HS6ST3: variants seen among roughly 807,000 people sequenced by gnomAD.
HS6ST3 encodes the protein heparan-sulfate 6-O-sulfotransferase 3.
In HS6ST3, 12 loss-of-function variants were observed where a neutral mutation model predicts 36.7. The ratio of observed to expected loss-of-function variants is 0.33; its 90% confidence interval spans 0.21 to 0.53. The LOEUF (loss-of-function observed/expected upper bound fraction) is 0.53, where lower values mean the gene tolerates loss of function less well. Ranked by LOEUF, HS6ST3 falls within the 20% of genes least tolerant of loss-of-function variation. The probability of loss-of-function intolerance (pLI) is 0.95; values close to 1 mark genes in which losing one functional copy is unlikely to be tolerated. For synonymous variants in HS6ST3, 240 were observed against 257.5 expected (o/e 0.93, Z 0.65); for missense variants, 584 against 640.9 (o/e 0.91, Z 0.96).
intron 1 of HS6ST3, among the ~76,000 whole-genome samples, chr13:96,647,115 G>C (rs2056591448): frequency 6.6e-6 from 1 of 151,854 alleles, no homozygotes; most frequent in South Asian, 2.1e-4. Flanking sequence ...TCAGACACTG[G>C]GGGTGGAATC....
intron 1 of HS6ST3, among the ~76,000 whole-genome samples, chr13:96,708,758 C>T (rs1875490383): frequency 6.6e-6 from 1 of 152,074 alleles, no homozygotes; most frequent in Non-Finnish European, 1.5e-5. Context: ...GCAGTTAGTT[C>T]TCTGGCATGG....
chr13:96,579,755 A>G (rs2056334902), intron 1 of HS6ST3, among the ~76,000 whole-genome samples: 1 of 152,150 alleles, frequency 6.6e-6, no homozygotes, highest in South Asian at 2.1e-4. Context: ...TGCCATAGAC[A>G]AATTAGGTGA....
chr13:96,681,938 G>A (rs1481133273), intron 1 of HS6ST3, among the ~76,000 whole-genome samples: 2 of 152,000 alleles, frequency 1.3e-5, no homozygotes, highest in African/African-American at 4.8e-5. Context: ...ATTACCCTCA[G>A]TGCAAAGTCT....
chr13:96,260,229 CCCTTCCTTCCTTCCTT>C lies in HS6ST3; in HGVS notation c.707+168685_707+168700del, dbSNP rs71681344. Reference sequence around the variant, plus strand: ...TTTTTGCTGGGTGCATTTATTTTTTCCCTTCCTTCCTTCCTTCCTTCCTTCCTTCCTTCCTTCCTTT... The same window carrying C: ...TTTTTGCTGGGTGCATTTATTTTTTCCCTTCCTTCCTTCCTTCCTTCCTTT... On this transcript the variant is annotated intron_variant, in intron 1 of 1. Transcript: ENST00000376705. Among the ~76,000 whole-genome samples, 359 of 143,500 alleles carry C rather than the reference CCCTTCCTTCCTTCCTT, an allele frequency of 2.5e-3. 1 individual carries two copies. The highest frequency in any genetic ancestry group is 7.2e-3 in the African/African-American group (277 of 38,480). 94.1% of individuals were successfully genotyped at this position (143,500 alleles called of 152,430 possible).
In HS6ST3 at chr13:96,308,805, A is replaced by G. The variant is rs139975853; in HGVS notation, c.707+217236A>G. Among the ~76,000 whole-genome samples, 118 of 152,250 alleles carry G rather than the reference A, an allele frequency of 7.8e-4. 2 individuals are homozygous for G. Among genetic ancestry groups the G allele is most frequent in the African/African-American group, 2.5e-3 (105 of 41,594 alleles). Reference sequence around the variant, plus strand: ...ATTCTAGGAAGCAAAGATTCTATCCATGACAATTTGCTGTCTAGTGGTACG... The same window carrying G: ...ATTCTAGGAAGCAAAGATTCTATCCGTGACAATTTGCTGTCTAGTGGTACG... On this transcript the variant is annotated intron_variant, in intron 1 of 1. Transcript: ENST00000376705.
chr13:96,658,257 C>CTTCTCT (rs1555316967), intron 1 of HS6ST3, among the ~76,000 whole-genome samples: 1 of 103,462 alleles, frequency 9.7e-6, no homozygotes, highest in African/African-American at 4.0e-5. Flanking sequence ...TCTTCTTCTT[C>CTTCTCT]TCTTCTTCTT....
intron 1 of HS6ST3, among the ~76,000 whole-genome samples, chr13:96,135,827 CAGA>C (rs2053999017): frequency 6.6e-6 from 1 of 152,118 alleles, no homozygotes; most frequent in Admixed American, 6.5e-5. Context: ...GGTAGCAGGA[CAGA>C]AGAACCACTA....
At chr13:96,149,050 T>G (rs561619167) in intron 1 of HS6ST3, among the ~76,000 whole-genome samples, 4 of 152,172 alleles carry the variant, frequency 2.6e-5, no homozygotes, top group African/African-American at 9.7e-5. Flanking sequence ...TAGTAAAATA[T>G]AGCGTCTCAT....
At position 96,764,263 on chromosome 13, in the gene HS6ST3, T is replaced by G. The variant is rs541249646; in HGVS notation, c.708-68227T>G. On this transcript the variant is annotated intron_variant, in intron 1 of 1. Coordinates refer to ENST00000376705, the MANE Select transcript of HS6ST3 (RefSeq NM_153456.4). ...AAAGAACAATTCTGTAACAAGAAAC[T>G]AGACTGTAGTTTGAAAGTGATTGGT... Among the ~76,000 whole-genome samples, 8 of 152,302 alleles carry G rather than the reference T, an allele frequency of 5.3e-5. No individual in the cohort carries two copies. In the South Asian group the frequency reaches 1.7e-3, roughly 32 times the overall value.
intron 1 of HS6ST3, among the ~76,000 whole-genome samples, chr13:96,727,148 A>G (rs936306027): frequency 6.6e-6 from 1 of 152,196 alleles, no homozygotes; most frequent in Non-Finnish European, 1.5e-5. Flanking sequence ...TGTCAGAAAA[A>G]GTATGTGAAC....
chr13:96,091,979 G>T (rs2053767344), intron 1 of HS6ST3, among the ~76,000 whole-genome samples: 1 of 152,204 alleles, frequency 6.6e-6, no homozygotes, highest in African/African-American at 2.4e-5. Context: ...CCCAGGAAAA[G>T]GAAGGGGGAG....
intron 1 of HS6ST3, among the ~76,000 whole-genome samples, chr13:96,641,671 G>T (rs2056570641): frequency 1.3e-5 from 2 of 151,390 alleles, no homozygotes; most frequent in African/African-American, 4.8e-5. Flanking sequence ...TATTTTTTGA[G>T]TTACTTTCTT....
intron 1 of HS6ST3, among the ~76,000 whole-genome samples, chr13:96,524,581 C>G (rs1290763742): frequency 1.3e-5 from 2 of 152,244 alleles, no homozygotes; most frequent in African/African-American, 4.8e-5. Context: ...CAAGCCTCAG[C>G]AATGGCAGAT....
intron 1 of HS6ST3, among the ~76,000 whole-genome samples, chr13:96,317,574 C>T (rs1381555779): frequency 6.6e-6 from 1 of 151,266 alleles, no homozygotes; most frequent in Non-Finnish European, 1.5e-5. Flanking sequence ...TGGGTATATA[C>T]TTAGTAATGG....
chr13:96,100,337 C>G (rs2053812012), intron 1 of HS6ST3, among the ~76,000 whole-genome samples: 1 of 151,964 alleles, frequency 6.6e-6, no homozygotes, highest in Non-Finnish European at 1.5e-5. Context: ...GTATTGGTAG[C>G]TTTACAGTTC....
intron 1 of HS6ST3, among the ~76,000 whole-genome samples, chr13:96,316,234 A>G (rs1249378113): frequency 2.0e-5 from 3 of 151,748 alleles, no homozygotes; most frequent in Non-Finnish European, 4.4e-5. Flanking sequence ...ACATATGTGC[A>G]TATACACATG....
intron 1 of HS6ST3, among the ~76,000 whole-genome samples, chr13:96,448,109 A>T (rs750472183): frequency 5.3e-5 from 8 of 152,178 alleles, no homozygotes; most frequent in Non-Finnish European, 1.0e-4. Context: ...TTGAAGCCAG[A>T]GCTATGACCC....
intron 1 of HS6ST3, among the ~76,000 whole-genome samples, chr13:96,727,449 G>A (rs866498921): frequency 5.4e-4 from 82 of 151,966 alleles, no homozygotes; most frequent in African/African-American, 1.7e-3. Context: ...ACTCACCATC[G>A]CTTCTCATTT....
At position 96,709,213 on chromosome 13, in the gene HS6ST3, C is replaced by T. The variant is rs557034274; in HGVS notation, c.708-123277C>T. On this transcript the variant is annotated intron_variant, in intron 1 of 1. Coordinates refer to ENST00000376705, the MANE Select transcript of HS6ST3 (RefSeq NM_153456.4). ...GAAGAAGGTGCCTGCTTCCCTTTCACTTTCTGCCATGACTGTAAGTTACCT... is the reference window on the plus strand; with the variant it reads ...GAAGAAGGTGCCTGCTTCCCTTTCATTTTCTGCCATGACTGTAAGTTACCT... Among the ~76,000 whole-genome samples the T allele has an allele frequency of 1.7e-4, 26 of 152,320 alleles. 2 individuals carry two copies. The highest frequency in any genetic ancestry group is 5.8e-4 in the African/African-American group (24 of 41,562).
Sources: gnomAD v4.1 joint callset for allele counts (sites outside exome capture counted in the v4.1 genomes callset) on GRCh38, gnomAD v4.1.1 for gene constraint, MANE v1.5 for transcripts, NCBI Gene and HGNC (gene_info 2026-07-23, HGNC 2026-07-21) for gene names.